The following MAD1L1 variants were observed in gnomAD, a reference collection of about 807,000 sequenced individuals.
MAD1L1 encodes mitotic spindle assembly checkpoint protein MAD1.
MAD1L1 carries 95 observed loss-of-function variants against 96.9 expected under a neutral mutation model. That is an observed-to-expected ratio of 0.98 (90% CI 0.83 to 1.16). MAD1L1 has a LOEUF of 1.16. Among genes scored for constraint, MAD1L1 ranks in the 50% most tolerant of loss-of-function variants. The pLI is 0.00. For missense variants in MAD1L1, 1,007 were observed against 954.4 expected (o/e 1.06, Z -0.73); for synonymous variants, 473 against 396.6 (o/e 1.19, Z -2.29).
intron 11 of MAD1L1, among the ~76,000 whole-genome samples, chr7:2,087,851 G>T (rs763879301): frequency 6.6e-6 from 1 of 152,204 alleles, no homozygotes; most frequent in Admixed American, 6.5e-5. Flanking sequence ...ATGGAACACC[G>T]TAGGCGCCCC....
intron 17 of MAD1L1, among the ~76,000 whole-genome samples, chr7:1,901,979 C>G (rs1235814465): frequency 6.6e-6 from 1 of 152,204 alleles, no homozygotes; most frequent in Non-Finnish European, 1.5e-5. Context: ...GGACACAGGC[C>G]TGGTACTGAT....
At chr7:1,843,470 C>T (rs1057357991) in intron 18 of MAD1L1, among the ~76,000 whole-genome samples, 23 of 152,184 alleles carry the variant, frequency 1.5e-4, no homozygotes, top group Non-Finnish European at 3.1e-4. Context: ...GCTTGATGGG[C>T]GTCCACAAGT....
intron 10 of MAD1L1, among the ~76,000 whole-genome samples, chr7:2,152,409 T>A (rs755911764): frequency 1.3e-5 from 2 of 152,222 alleles, no homozygotes; most frequent in Non-Finnish European, 2.9e-5. Flanking sequence ...CTTCGCAGCC[T>A]CTTGCGCTGA....
At chr7:2,001,022 A>T (rs1584039503) in intron 14 of MAD1L1, among the ~76,000 whole-genome samples, 1 of 152,182 alleles carries the variant, frequency 6.6e-6, no homozygotes, top group Non-Finnish European at 1.5e-5. Flanking sequence ...CCATGGCCGC[A>T]CCCACAACCG....
At chr7:1,999,812 C>T (rs1324001236) in intron 14 of MAD1L1, among the ~76,000 whole-genome samples, 1 of 152,232 alleles carries the variant, frequency 6.6e-6, no homozygotes, top group Non-Finnish European at 1.5e-5. Context: ...GAAACGCCGG[C>T]CGCAGGGCCC....
intron 11 of MAD1L1, among the ~76,000 whole-genome samples, chr7:2,148,136 T>TG (rs1477771745): frequency 6.6e-6 from 1 of 152,246 alleles, no homozygotes. Context: ...CACAACCAGA[T>TG]GCTTCTAAAA....
chr7:2,224,461 T>C (rs1793774744), intron 4 of MAD1L1, among the ~76,000 whole-genome samples: 1 of 152,134 alleles, frequency 6.6e-6, no homozygotes, highest in Non-Finnish European at 1.5e-5. Flanking sequence ...ACCCCAGCGG[T>C]GCCTCAGTCT....
chr7:1,882,528 G>A (rs1028089570), intron 18 of MAD1L1, among the ~76,000 whole-genome samples: 1 of 152,214 alleles, frequency 6.6e-6, no homozygotes, highest in Non-Finnish European at 1.5e-5. Flanking sequence ...TCTGGCTGGA[G>A]TCTCCCAGGG....
intron 9 of MAD1L1, 47 bp downstream of exon 9, chr7:2,215,838 C>G (rs1202602626): frequency 6.4e-6 from 10 of 1,564,640 alleles, no homozygotes; most frequent in Non-Finnish European, 8.8e-6. Flanking sequence ...CTCCTCCAGG[C>G]AGGGCAGAGG....
intron 10 of MAD1L1, among the ~76,000 whole-genome samples, chr7:2,150,171 C>A (rs1460917642): frequency 6.6e-6 from 1 of 152,188 alleles, no homozygotes; most frequent in Non-Finnish European, 1.5e-5. Flanking sequence ...AGGCTACCTG[C>A]ACCCCTGGAA....
intron 18 of MAD1L1, chr7:1,874,444 G>A: frequency 2.3e-6 from 1 of 442,528 alleles, no homozygotes; most frequent in Non-Finnish European, 4.5e-6. Flanking sequence ...ACCCGCCGTG[G>A]CCAGGGTGAG....
At chr7:1,854,541 G>A (rs940704234) in intron 18 of MAD1L1, among the ~76,000 whole-genome samples, 1 of 152,002 alleles carries the variant, frequency 6.6e-6, no homozygotes, top group African/African-American at 2.4e-5. Context: ...GGGACTCTGG[G>A]GTCCCCTCTA....
chr7:1,982,290 A>G (rs972466048), intron 14 of MAD1L1, among the ~76,000 whole-genome samples: 34 of 152,120 alleles, frequency 2.2e-4, no homozygotes, highest in African/African-American at 8.2e-4. Context: ...ATCTCAGCTC[A>G]CTGCAGCTCC....
chr7:2,232,285 C>CA (rs1211390234), intron 1 of MAD1L1, among the ~76,000 whole-genome samples: 1 of 152,258 alleles, frequency 6.6e-6, no homozygotes, highest in Non-Finnish European at 1.5e-5. Flanking sequence ...CCCAGGCTGC[C>CA]AGCCCCGCAG....
At chr7:1,891,212 A>AC (rs1786517823) in intron 18 of MAD1L1, among the ~76,000 whole-genome samples, 1 of 152,222 alleles carries the variant, frequency 6.6e-6, no homozygotes, top group African/African-American at 2.4e-5. Flanking sequence ...CTTGTGCTTT[A>AC]AGCTAAGTGT....
chr7:1,836,628 T>A (rs1009710403), intron 18 of MAD1L1, among the ~76,000 whole-genome samples: 1 of 152,238 alleles, frequency 6.6e-6, no homozygotes, highest in Non-Finnish European at 1.5e-5. Context: ...ATTGTTAAGA[T>A]GTCAATTATC....
At chr7:1,860,081 T>C (rs900829709) in intron 18 of MAD1L1, among the ~76,000 whole-genome samples, 14 of 141,384 alleles carry the variant, frequency 9.9e-5, no homozygotes, top group Admixed American at 2.1e-4. Flanking sequence ...GGCCTCTGTG[T>C]CCCTAGACCT....
intron 15 of MAD1L1, among the ~76,000 whole-genome samples, chr7:1,973,413 C>T (rs772285161): frequency 3.3e-5 from 5 of 152,124 alleles, no homozygotes; most frequent in Admixed American, 6.5e-5. Context: ...CTCACAAGGG[C>T]GACAGACAGG....
chr7:2,155,705 C>T lies in MAD1L1; in HGVS notation c.987-6467G>A, dbSNP rs532857161. Among the ~76,000 whole-genome samples, 4 of 152,324 alleles carry T rather than the reference C, an allele frequency of 2.6e-5. No homozygotes were observed. In the East Asian group the frequency reaches 7.7e-4, roughly 29 times the overall value. On this transcript the variant is annotated intron_variant, in intron 10 of 18. Transcript: ENST00000265854. ...ACACAACGTTTATCCACTCACCCGT[C>T]GGTGGACACCTGGGCTGCTTTCACC...
Sources: gnomAD v4.1 joint callset for allele counts (sites outside exome capture counted in the v4.1 genomes callset) on GRCh38, gnomAD v4.1.1 for gene constraint, MANE v1.5 for transcripts, NCBI Gene and HGNC (gene_info 2026-07-23, HGNC 2026-07-21) for gene names.